Variants in GALNTL6 observed in about 807,000 individuals in gnomAD.
GALNTL6 encodes polypeptide N-acetylgalactosaminyltransferase like 6.
GALNTL6 carries 46 observed loss-of-function variants against 73.7 expected under a neutral mutation model. That is an observed-to-expected ratio of 0.62 (90% confidence interval 0.49 to 0.80). The LOEUF is 0.80. Among genes scored for constraint, GALNTL6 ranks in the 30% least tolerant of loss-of-function variants. GALNTL6 has a pLI of 0.00. For synonymous variants in GALNTL6, 259 were observed against 263.7 expected, an observed-to-expected ratio of 0.98 and a Z score of 0.17; for missense variants, 604 against 755.0, an observed-to-expected ratio of 0.80 and a Z score of 2.34.
chr4:172,320,956 G>C (rs1051669078), intron 4 of GALNTL6, among the ~76,000 whole-genome samples: 1 of 152,130 alleles, frequency 6.6e-6, no homozygotes, highest in Non-Finnish European at 1.5e-5. Context: ...ACTTTTGGAG[G>C]CTTTATTTAC....
At chr4:172,015,923 A>ATTTTTTTTTTTTTTTTTTTTTT (rs70941375) in intron 2 of GALNTL6, among the ~76,000 whole-genome samples, 1 of 44,052 alleles carries the variant, frequency 2.3e-5, no homozygotes, top group Non-Finnish European at 4.2e-5. Flanking sequence ...ATCTAATAGG[A>ATTTTTTTTTTTTTTTTTTTTTT]TTTTTTTTTT....
intron 2 of GALNTL6, among the ~76,000 whole-genome samples, chr4:172,179,225 C>T (rs1410046753): frequency 2.6e-5 from 4 of 151,036 alleles, no homozygotes; most frequent in Admixed American, 2.0e-4. Context: ...CCTGAGGAAT[C>T]GCCACACTGA....
At chr4:172,500,727 C>A (rs561053983) in intron 5 of GALNTL6, among the ~76,000 whole-genome samples, 1 of 150,692 alleles carries the variant, frequency 6.6e-6, no homozygotes, top group Non-Finnish European at 1.5e-5. Flanking sequence ...TAACTTAAGA[C>A]GGCTTGGAAC....
intron 2 of GALNTL6, among the ~76,000 whole-genome samples, chr4:171,897,448 C>A (rs1736954185): frequency 1.3e-5 from 2 of 152,138 alleles, no homozygotes; most frequent in Non-Finnish European, 2.9e-5. Context: ...GATACAAACA[C>A]ACACAACAGA....
chr4:172,168,699 G>A (rs1016636733), intron 2 of GALNTL6, among the ~76,000 whole-genome samples: 2 of 152,054 alleles, frequency 1.3e-5, no homozygotes, highest in Non-Finnish European at 2.9e-5. Context: ...TGATGATGGT[G>A]ATGATGGTAA....
intron 5 of GALNTL6, among the ~76,000 whole-genome samples, chr4:172,716,582 A>C (rs1579385125): frequency 6.6e-6 from 1 of 152,134 alleles, no homozygotes; most frequent in African/African-American, 2.4e-5. Context: ...CAGAGGATAA[A>C]TATATCCCTA....
chr4:172,216,277 T>C (rs1457607576), intron 2 of GALNTL6, among the ~76,000 whole-genome samples: 4 of 152,074 alleles, frequency 2.6e-5, no homozygotes, highest in African/African-American at 9.7e-5. Flanking sequence ...TACAACTTCT[T>C]CACTTCTGAA....
At position 172,788,655 on chromosome 4, in the gene GALNTL6, G is replaced by A. The variant is rs954792920; in HGVS notation, c.554-20706G>A. 2.8e-4 allele frequency among the ~76,000 whole-genome samples: 41 copies of A among 145,676 alleles called. No homozygotes were observed. In the Middle Eastern group the frequency reaches 0.017, roughly 62 times the overall value. On this transcript the variant is annotated intron_variant, in intron 5 of 12. Coordinates refer to ENST00000506823, the MANE Select transcript of GALNTL6 (RefSeq NM_001034845.3). ...CCACTGCACTCCAGCCTGAGGGACA[G>A]GGCAAGACTCCGTCTCAAAAAAAAA... is the stretch of plus-strand genomic sequence containing the variant.
chr4:172,716,225 AAC>A lies in GALNTL6; in HGVS notation c.554-93134_554-93133del, dbSNP rs376197460. On this transcript the variant is annotated intron_variant, in intron 5 of 12. Transcript: ENST00000506823. ...ACATCCTAGACAGAAAAACCCACAC[AAC>A]AATAGCTAGCTAGTCAGATGTCCAT... 2.4e-4 allele frequency among the ~76,000 whole-genome samples: 36 copies of A among 152,260 alleles called. No individual in the cohort carries two copies. The East Asian group carries it at 5.8e-3, about 25-fold the overall frequency.
At position 172,912,315 on chromosome 4, in the gene GALNTL6, C is replaced by T. The variant is rs139147947; in HGVS notation, c.1042-18846C>T. Among the ~76,000 whole-genome samples the T allele has an allele frequency of 3.4e-3, 513 of 152,282 alleles. 3 individuals carry two copies. The highest frequency in any genetic ancestry group is 0.012 in the African/African-American group (489 of 41,548). ...CTCCCAGTGTCAGCAACGCAGAAGA[C>T]GGGTGATTTCTGCATTTCCAACTGA... On this transcript the variant is annotated intron_variant, in intron 8 of 12. Transcript: ENST00000506823.
intron 5 of GALNTL6, among the ~76,000 whole-genome samples, chr4:172,485,392 G>A (rs375324678): frequency 9.9e-5 from 15 of 151,898 alleles, no homozygotes; most frequent in Non-Finnish European, 1.6e-4. Flanking sequence ...AGTACATCTC[G>A]CATAATGTTA....
intron 3 of GALNTL6, among the ~76,000 whole-genome samples, chr4:172,258,631 A>AC (rs1738160579): frequency 6.6e-6 from 1 of 151,256 alleles, no homozygotes; most frequent in Admixed American, 6.6e-5. Flanking sequence ...TTTTCAGGGA[A>AC]CAGGTGGTTT....
At chr4:172,847,950 C>T (rs1032785206) in intron 7 of GALNTL6, among the ~76,000 whole-genome samples, 2 of 152,170 alleles carry the variant, frequency 1.3e-5, no homozygotes, top group African/African-American at 4.8e-5. Context: ...GTCTGAGAGA[C>T]CCTCTATCTA....
At chr4:172,881,865 T>C (rs1191230753) in intron 7 of GALNTL6, among the ~76,000 whole-genome samples, 1 of 152,162 alleles carries the variant, frequency 6.6e-6, no homozygotes, top group Non-Finnish European at 1.5e-5. Context: ...TAGCGCAGCC[T>C]CACCACGCTA....
chr4:171,823,154 C>T (rs987154662), intron 2 of GALNTL6, among the ~76,000 whole-genome samples: 3 of 152,080 alleles, frequency 2.0e-5, no homozygotes, highest in Non-Finnish European at 2.9e-5. Context: ...TATAGTTACA[C>T]ACAATTGTAG....
Position 172,636,966 on chromosome 4 carries a change from A to T in GALNTL6, c.554-172395A>T, listed in dbSNP as rs534631480. On this transcript the variant is annotated intron_variant, in intron 5 of 12. Coordinates refer to ENST00000506823, the MANE Select transcript of GALNTL6 (RefSeq NM_001034845.3). ...TATATGGGAAGAAATTGGTACAATG[A>T]GTCTAATTTTCTACAGATTTGTCAA... Among the ~76,000 whole-genome samples, 6 of 152,260 alleles carry T rather than the reference A, an allele frequency of 3.9e-5. No individual in the cohort carries two copies. In the South Asian group the frequency reaches 1.0e-3, roughly 26 times the overall value.
chr4:172,683,056 C>T (rs1434431233), intron 5 of GALNTL6, among the ~76,000 whole-genome samples: 4 of 152,148 alleles, frequency 2.6e-5, no homozygotes, highest in South Asian at 2.1e-4. Context: ...AACAGGGACA[C>T]GAACCTGTTT....
At chr4:172,581,496 C>T (rs1436068889) in intron 5 of GALNTL6, among the ~76,000 whole-genome samples, 1 of 152,188 alleles carries the variant, frequency 6.6e-6, no homozygotes, top group Non-Finnish European at 1.5e-5. Flanking sequence ...CACAAAAGGC[C>T]TTTCTCAATC....
intron 5 of GALNTL6, among the ~76,000 whole-genome samples, chr4:172,617,939 C>T (rs1560838355): frequency 6.6e-6 from 1 of 152,160 alleles, no homozygotes. Flanking sequence ...CTCCAACATG[C>T]ACCTCTAGGA....
Sources: allele counts gnomAD v4.1 joint callset (sites outside exome capture counted in the v4.1 genomes callset), GRCh38; gene constraint gnomAD v4.1.1; transcripts MANE v1.5; gene names NCBI Gene and HGNC (gene_info 2026-07-23, HGNC 2026-07-21).